SLC24A2: variants seen among roughly 807,000 people sequenced by gnomAD.
The protein encoded by SLC24A2 is sodium/potassium/calcium exchanger 2.
Under a neutral mutation model 62.0 loss-of-function variants are expected in SLC24A2, and 36 were observed. The observed-to-expected ratio is 0.58, with a 90% CI of 0.44 to 0.77. SLC24A2 has a LOEUF of 0.77. SLC24A2 is among the 30% of genes least tolerant of loss of function. The pLI is 0.00. For missense variants in SLC24A2, 846 were observed against 817.9 expected (o/e 1.03, Z -0.42); for synonymous variants, 358 against 294.0 (o/e 1.22, Z -2.23).
At chr9:20,282,643 A>G in the SLC24A2 span, among the ~76,000 whole-genome samples, 1 of 152,206 alleles carries the variant, frequency 6.6e-6, no homozygotes, top group African/African-American at 2.4e-5. Flanking sequence ...AATTAAAGTC[A>G]TGTTCATTAC....
At chr9:19,771,195 T>C (rs566677017) in intron 2 of SLC24A2, among the ~76,000 whole-genome samples, 2 of 152,298 alleles carry the variant, frequency 1.3e-5, no homozygotes, top group Non-Finnish European at 2.9e-5. Flanking sequence ...GAAACGGAGA[T>C]AGAGTTGGAT....
chr9:20,227,024 T>C, the SLC24A2 span, among the ~76,000 whole-genome samples: 1 of 152,150 alleles, frequency 6.6e-6, no homozygotes, highest in East Asian at 1.9e-4. Context: ...AGGGATTAAT[T>C]GCATTGTTCA....
the SLC24A2 span, among the ~76,000 whole-genome samples, chr9:20,032,423 A>C: frequency 1.3e-3 from 158 of 118,584 alleles, no homozygotes; most frequent in South Asian, 5.3e-3. Context: ...AATTAGTATT[A>C]ATTAGTTTGT....
At chr9:20,163,863 C>G in the SLC24A2 span, among the ~76,000 whole-genome samples, 57 of 152,132 alleles carry the variant, frequency 3.7e-4, no homozygotes, top group African/African-American at 1.1e-3. Flanking sequence ...ACAAACCTGA[C>G]AAAAACAAGC....
the SLC24A2 span, among the ~76,000 whole-genome samples, chr9:19,832,910 C>A: frequency 1.3e-5 from 2 of 152,062 alleles, no homozygotes; most frequent in African/African-American, 4.8e-5. Flanking sequence ...AACAAACAAC[C>A]CCCTCAAAAA....
At chr9:19,544,253 T>A (rs1834431699) in intron 8 of SLC24A2, among the ~76,000 whole-genome samples, 1 of 74,578 alleles carries the variant, frequency 1.3e-5, no homozygotes, top group South Asian at 6.8e-4. Context: ...TTGCAACCCC[T>A]GCTTTTTTTT....
At chr9:19,771,063 A>G (rs867015107) in intron 2 of SLC24A2, among the ~76,000 whole-genome samples, 1 of 152,316 alleles carries the variant, frequency 6.6e-6, no homozygotes, top group Middle Eastern at 3.4e-3. Flanking sequence ...AAAAGCAAGT[A>G]TTGGGGCTGC....
chr9:19,987,666 G>T, the SLC24A2 span, among the ~76,000 whole-genome samples: 1 of 152,278 alleles, frequency 6.6e-6, no homozygotes, highest in South Asian at 2.1e-4. Flanking sequence ...AGCTGGAACA[G>T]GTATATTGGT....
the SLC24A2 span, among the ~76,000 whole-genome samples, chr9:20,131,423 G>C: frequency 6.6e-6 from 1 of 152,124 alleles, no homozygotes; most frequent in African/African-American, 2.4e-5. Flanking sequence ...CACCTGTCAA[G>C]ATATACCTTG....
At chr9:20,071,884 GA>G in the SLC24A2 span, among the ~76,000 whole-genome samples, 2 of 152,084 alleles carry the variant, frequency 1.3e-5, no homozygotes, top group African/African-American at 4.8e-5. Flanking sequence ...GCGGCTCACA[GA>G]ACTCAAGGAA....
the SLC24A2 span, among the ~76,000 whole-genome samples, chr9:19,827,059 A>G: frequency 6.6e-6 from 1 of 152,070 alleles, no homozygotes; most frequent in Non-Finnish European, 1.5e-5. Flanking sequence ...CTTGCTTCCC[A>G]CACACTCAGC....
chr9:20,136,260 C>T, the SLC24A2 span, among the ~76,000 whole-genome samples: 1 of 152,060 alleles, frequency 6.6e-6, no homozygotes, highest in Admixed American at 6.6e-5. Context: ...TTGATGATAA[C>T]TAAGTTTAAA....
rs181434767 is a variant in SLC24A2, at chr9:19,646,942, C to T, written c.931-24643G>A. On this transcript the variant is annotated intron_variant, in intron 2 of 10. Coordinates refer to ENST00000341998, the MANE Select transcript of SLC24A2 (RefSeq NM_020344.4). Reference sequence around the variant, plus strand: ...TGGAATACTATCTGTGGCCCATTCCCCTGTAGAAGTCTGCCAAATTTCCAT... The same window carrying T: ...TGGAATACTATCTGTGGCCCATTCCTCTGTAGAAGTCTGCCAAATTTCCAT... Among the ~76,000 whole-genome samples the T allele has an allele frequency of 3.2e-4, 48 of 152,106 alleles. 2 individuals carry two copies. The East Asian group carries it at 6.4e-3, about 20-fold the overall frequency.
the SLC24A2 span, among the ~76,000 whole-genome samples, chr9:20,188,694 G>A: frequency 5.9e-5 from 9 of 152,230 alleles, no homozygotes; most frequent in East Asian, 3.9e-4. Context: ...ACAGAAGCAG[G>A]AGCTAGGATG....
the SLC24A2 span, among the ~76,000 whole-genome samples, chr9:20,041,042 AG>A: frequency 1.3e-5 from 2 of 152,238 alleles, no homozygotes; most frequent in Non-Finnish European, 2.9e-5. Flanking sequence ...AATTTTTTTT[AG>A]GACATCGACT....
At chr9:19,863,743 A>G in the SLC24A2 span, among the ~76,000 whole-genome samples, 1 of 151,932 alleles carries the variant, frequency 6.6e-6, no homozygotes, top group Admixed American at 6.5e-5. Flanking sequence ...AAGTGCCCAC[A>G]TCAAAAAAGA....
the SLC24A2 span, among the ~76,000 whole-genome samples, chr9:19,885,108 T>C: frequency 1.3e-5 from 2 of 152,178 alleles, no homozygotes; most frequent in East Asian, 3.9e-4. Context: ...TGGCAGTGTA[T>C]GTGGCCAACA....
chr9:20,015,812 G>A, the SLC24A2 span, among the ~76,000 whole-genome samples: 1 of 152,074 alleles, frequency 6.6e-6, no homozygotes, highest in Non-Finnish European at 1.5e-5. Context: ...TTAAATGTGG[G>A]CTTCTTGATT....
chr9:20,002,144 C>A, the SLC24A2 span, among the ~76,000 whole-genome samples: 3,237 of 152,242 alleles, frequency 0.021, 109 homozygotes, highest in African/African-American at 0.061. Flanking sequence ...GGTGCAGAGA[C>A]AAGCATTCTG....
Sources: allele counts gnomAD v4.1 joint callset (sites outside exome capture counted in the v4.1 genomes callset), GRCh38; gene constraint gnomAD v4.1.1; transcripts MANE v1.5; gene names NCBI Gene and HGNC (gene_info 2026-07-23, HGNC 2026-07-21).